PHACTR3: variants seen among roughly 807,000 people sequenced by gnomAD.
PHACTR3 encodes protein phosphatase 1, regulatory subunit 123.
In PHACTR3, 16 loss-of-function variants were observed where a neutral mutation model predicts 66.8. The ratio of observed to expected loss-of-function variants is 0.24; its 90% CI spans 0.16 to 0.36. The LOEUF (loss-of-function observed/expected upper bound fraction) is 0.36. PHACTR3 is among the 10% of genes least tolerant of loss of function. The pLI is 1.00. For missense variants in PHACTR3, 647 were observed against 719.9 expected, an observed-to-expected ratio of 0.90 and a Z score of 1.16; for synonymous variants, 323 against 292.1, an observed-to-expected ratio of 1.11 and a Z score of -1.08.
chr20:59,800,048 C>T (rs1336278964), intron 7 of PHACTR3, among the ~76,000 whole-genome samples: 1 of 152,154 alleles, frequency 6.6e-6, no homozygotes, highest in East Asian at 1.9e-4. Context: ...CAATAGTATG[C>T]TAATTCACTT....
chr20:59,815,424 T>TG (rs1403872927), intron 8 of PHACTR3, among the ~76,000 whole-genome samples: 29 of 149,180 alleles, frequency 1.9e-4, no homozygotes, highest in African/African-American at 6.8e-4. Context: ...TCTGGTTTTT[T>TG]TTTTTTTGTT....
intron 1 of PHACTR3, among the ~76,000 whole-genome samples, chr20:59,722,824 C>G (rs557787846): frequency 2.0e-5 from 3 of 150,052 alleles, no homozygotes; most frequent in Admixed American, 6.6e-5. Flanking sequence ...CCTCTGCTCA[C>G]GGTGGGGGCA....
At chr20:59,720,465 T>C (rs1027699115) in intron 1 of PHACTR3, among the ~76,000 whole-genome samples, 2 of 152,170 alleles carry the variant, frequency 1.3e-5, no homozygotes, top group African/African-American at 4.8e-5. Flanking sequence ...TTTTATCTCA[T>C]GGTGCTCCAC....
intron 8 of PHACTR3, among the ~76,000 whole-genome samples, chr20:59,832,993 T>G (rs2042429613): frequency 6.6e-6 from 1 of 152,186 alleles, no homozygotes; most frequent in Non-Finnish European, 1.5e-5. Flanking sequence ...TCCCCTCCAC[T>G]GGTGAGAACC....
intron 1 of PHACTR3, among the ~76,000 whole-genome samples, chr20:59,689,694 A>C (rs2037035422): frequency 6.6e-6 from 1 of 152,166 alleles, no homozygotes; most frequent in South Asian, 2.1e-4. Context: ...CCAAAGTGGT[A>C]ATCCCTCTTG....
chr20:59,637,619 C>T (rs1319758262), intron 1 of PHACTR3, among the ~76,000 whole-genome samples: 1 of 151,934 alleles, frequency 6.6e-6, no homozygotes, highest in Non-Finnish European at 1.5e-5. Flanking sequence ...ACTCCTGTCC[C>T]TACCCTCAAC....
chr20:59,736,291 G>A lies in PHACTR3; in HGVS notation c.119-6816G>A, dbSNP rs1378976897. On this transcript the variant is annotated intron_variant, in intron 1 of 12. Transcript: ENST00000371015. This position sits in a 1 kb window ranked among gnomAD's most constrained non-coding sequence, Gnocchi z 4.6. ...ACTACTGTTATTCAGAGGCTGGGGGGTGGCTGCTAATGTGTTTGCACCTTC... is the reference window on the plus strand; with the variant it reads ...ACTACTGTTATTCAGAGGCTGGGGGATGGCTGCTAATGTGTTTGCACCTTC... Among the ~76,000 whole-genome samples the A allele has an allele frequency of 1.3e-5, 2 of 152,102 alleles. No individual in the cohort carries two copies. The highest frequency in any genetic ancestry group is 1.3e-4 in the Admixed American group (2 of 15,280).
chr20:59,765,571 G>T (rs1246898663), intron 4 of PHACTR3, among the ~76,000 whole-genome samples: 2 of 152,216 alleles, frequency 1.3e-5, no homozygotes, highest in African/African-American at 4.8e-5. Flanking sequence ...CATAAGAAAG[G>T]GCTGGGAATG....
intron 1 of PHACTR3, among the ~76,000 whole-genome samples, chr20:59,719,883 T>C (rs973474255): frequency 5.3e-5 from 8 of 152,190 alleles, no homozygotes; most frequent in African/African-American, 1.2e-4. Context: ...CAGGAAGAAA[T>C]GGAGCCTGTC....
chr20:59,622,419 C>T (rs1028850763), intron 1 of PHACTR3, among the ~76,000 whole-genome samples: 28 of 152,226 alleles, frequency 1.8e-4, no homozygotes, highest in Middle Eastern at 3.4e-3. Flanking sequence ...AGATGAGGCA[C>T]GTGACCTTTG....
intron 7 of PHACTR3, among the ~76,000 whole-genome samples, chr20:59,790,402 C>G (rs1340776217): frequency 6.6e-6 from 1 of 152,166 alleles, no homozygotes; most frequent in Admixed American, 6.5e-5. Flanking sequence ...TAATCAGAAA[C>G]TTTGACTCAG....
At chr20:59,692,311 A>C (rs1359457855) in intron 1 of PHACTR3, among the ~76,000 whole-genome samples, 2 of 152,228 alleles carry the variant, frequency 1.3e-5, no homozygotes, top group African/African-American at 4.8e-5. Context: ...ACAACCTTGA[A>C]GGTCACCCGT....
chr20:59,603,665 G>C (rs72629004), upstream of PHACTR3: 1 of 152,026 alleles, frequency 6.6e-6, no homozygotes, highest in East Asian at 2.0e-4. Flanking sequence ...GGGGCTTAGA[G>C]CGGGGCTGCC....
intron 4 of PHACTR3, among the ~76,000 whole-genome samples, chr20:59,766,523 G>T (rs190316053): frequency 6.6e-6 from 1 of 152,170 alleles, no homozygotes; most frequent in Non-Finnish European, 1.5e-5. Context: ...GGATGGGCAG[G>T]CTGAGGGGTG....
chr20:59,777,916 G>A (rs8123126), intron 7 of PHACTR3, among the ~76,000 whole-genome samples: 5 of 151,758 alleles, frequency 3.3e-5, no homozygotes, highest in Admixed American at 6.6e-5. Flanking sequence ...ATGCGTCCAC[G>A]TGGGGACTGG....
In PHACTR3 at chr20:59,830,743, T is replaced by C. The variant is rs2042343163; in HGVS notation, c.1329-5762T>C. Among the ~76,000 whole-genome samples, 1 of 152,078 alleles carries C rather than the reference T, an allele frequency of 6.6e-6. No homozygotes were observed. The highest frequency in any genetic ancestry group is 2.1e-4 in the South Asian group (1 of 4,820). The stretch of plus-strand genomic sequence containing the variant: ...GTTCTCGACTCTCCCAGCATCCCTG[T>C]GGGTTTTGTTGGCAGGTGTTCACCT... On this transcript the variant is annotated intron_variant, in intron 8 of 12. Transcript: ENST00000371015. This position sits in a 1 kb window ranked among gnomAD's most constrained non-coding sequence, Gnocchi z 5.8.
rs1317231520 is a variant in PHACTR3, at chr20:59,638,809, GACGA to G, written c.118+33679_118+33682del. Among the ~76,000 whole-genome samples the G allele has an allele frequency of 3.7e-3, 359 of 96,524 alleles. 11 individuals carry two copies. In the South Asian group the frequency reaches 0.075, roughly 20 times the overall value. The allele number at this position is 96,524 out of a possible 152,430, so 63.3% of individuals were successfully genotyped here. A position where few individuals can be genotyped will look rare whatever the true frequency, so the allele number is the denominator to read the frequency against. ...ATGGAGATGGATAGATGGATGGATG[GACGA>G]ATGGATGGGTAGATGGATGGATGGG... On this transcript the variant is annotated intron_variant, in intron 1 of 12. Transcript: ENST00000371015.
At chr20:59,614,663 A>C (rs1376982010) in intron 1 of PHACTR3, among the ~76,000 whole-genome samples, 1 of 152,174 alleles carries the variant, frequency 6.6e-6, no homozygotes, top group Non-Finnish European at 1.5e-5. Context: ...TTAAAAAGTC[A>C]CCATTGGTCT....
At chr20:59,610,217 T>C (rs2033806680) in intron 1 of PHACTR3, among the ~76,000 whole-genome samples, 1 of 152,242 alleles carries the variant, frequency 6.6e-6, no homozygotes, top group Non-Finnish European at 1.5e-5. Context: ...ATCATGCCTC[T>C]GCACTCCAAC....
Sources: allele counts gnomAD v4.1 joint callset (sites outside exome capture counted in the v4.1 genomes callset), GRCh38; gene constraint gnomAD v4.1.1; non-coding constraint Gnocchi (gnomAD v3.1); transcripts MANE v1.5; gene names NCBI Gene and HGNC (gene_info 2026-07-23, HGNC 2026-07-21).